ENTREP1: variants seen among roughly 807,000 people sequenced by gnomAD.
The protein encoded by ENTREP1 is Friedreich ataxia region gene X123.
the ENTREP1 span, among the ~76,000 whole-genome samples, chr9:69,344,666 C>G: frequency 0.021 from 3,217 of 152,234 alleles, 48 homozygotes; most frequent in Middle Eastern, 0.068. Context: ...AGCCCGTGAC[C>G]TCTACCCCCT....
chr9:69,343,553 A>ACCTCAG, the ENTREP1 span, among the ~76,000 whole-genome samples: 1 of 152,124 alleles, frequency 6.6e-6, no homozygotes, highest in Admixed American at 6.6e-5. Flanking sequence ...TGATCCTCCC[A>ACCTCAG]CCTCAGCCTC....
At chr9:69,383,505 G>T in the ENTREP1 span, 37 of 1,523,094 alleles carry the variant, frequency 2.4e-5, no homozygotes, top group Non-Finnish European at 2.8e-5. Context: ...TGGCCAAGGA[G>T]ACCATGGTAT....
the ENTREP1 span, among the ~76,000 whole-genome samples, chr9:69,390,427 A>G: frequency 2.0e-5 from 3 of 152,306 alleles, no homozygotes; most frequent in East Asian, 5.8e-4. Flanking sequence ...CTCCTCTTCA[A>G]TCCCAGTTGG....
At chr9:69,335,690 C>G in the ENTREP1 span, among the ~76,000 whole-genome samples, 1 of 152,200 alleles carries the variant, frequency 6.6e-6, no homozygotes, top group African/African-American at 2.4e-5. Flanking sequence ...TCTGATGAGG[C>G]TGACCCTGGC....
the ENTREP1 span, among the ~76,000 whole-genome samples, chr9:69,330,708 T>C: frequency 6.6e-6 from 1 of 152,238 alleles, no homozygotes; most frequent in African/African-American, 2.4e-5. Flanking sequence ...GGATGAGTTT[T>C]ATTGATTTCT....
At chr9:69,326,570 T>G in the ENTREP1 span, among the ~76,000 whole-genome samples, 1 of 151,938 alleles carries the variant, frequency 6.6e-6, no homozygotes, top group Non-Finnish European at 1.5e-5. Context: ...GGACACCGGG[T>G]GGCCACTCCC....
chr9:69,386,170 T>A, the ENTREP1 span: 1 of 370,604 alleles, frequency 2.7e-6, no homozygotes, highest in Non-Finnish European at 4.7e-6. Flanking sequence ...TTTTTTAAAG[T>A]CATTGTCATC....
chr9:69,335,099 T>C, the ENTREP1 span, among the ~76,000 whole-genome samples: 2 of 152,164 alleles, frequency 1.3e-5, no homozygotes, highest in Non-Finnish European at 2.9e-5. Flanking sequence ...CGTTTTTTAT[T>C]GAAGTGTCAT....
chr9:69,340,599 ATGTG>A, the ENTREP1 span, among the ~76,000 whole-genome samples: 2 of 88,992 alleles, frequency 2.2e-5, 1 homozygote, highest in Non-Finnish European at 5.0e-5. Flanking sequence ...GTGTGCATGC[ATGTG>A]TGTGTGTGCA....
At chr9:69,344,684 T>C in the ENTREP1 span, among the ~76,000 whole-genome samples, 1 of 152,148 alleles carries the variant, frequency 6.6e-6, no homozygotes, top group Non-Finnish European at 1.5e-5. Context: ...CCTGGAGCTC[T>C]AGCCCAGGAC....
chr9:69,390,921 A>G, the ENTREP1 span, among the ~76,000 whole-genome samples: 2 of 150,876 alleles, frequency 1.3e-5, no homozygotes, highest in Non-Finnish European at 2.9e-5. Context: ...GACTACAGGC[A>G]TGAACCACCA....
At chr9:69,367,680 A>AT in the ENTREP1 span, among the ~76,000 whole-genome samples, 3 of 47,362 alleles carry the variant, frequency 6.3e-5, no homozygotes, top group South Asian at 2.4e-3. Context: ...CACATATATA[A>AT]ATATATATAT....
At chr9:69,358,902 C>CTTTTT in the ENTREP1 span, among the ~76,000 whole-genome samples, 7 of 96,330 alleles carry the variant, frequency 7.3e-5, no homozygotes, top group Admixed American at 2.3e-4. Context: ...CTTTTTCTTT[C>CTTTTT]TTTTTTTTTT....
At chr9:69,372,304 T>C in the ENTREP1 span, among the ~76,000 whole-genome samples, 3 of 152,216 alleles carry the variant, frequency 2.0e-5, no homozygotes, top group Non-Finnish European at 4.4e-5. Flanking sequence ...TCTTTTCATA[T>C]TGTAAAACTG....
At chr9:69,335,869 A>ACGTGCGCCTGTAGTCCTGACGTGC in the ENTREP1 span, among the ~76,000 whole-genome samples, 2 of 26,572 alleles carry the variant, frequency 7.5e-5, no homozygotes, top group Non-Finnish European at 7.6e-5. Flanking sequence ...CTGTAGTCCT[A>ACGTGCGCCTGTAGTCCTGACGTGC]GCTACTGGAG....
At chr9:69,345,076 T>C in the ENTREP1 span, among the ~76,000 whole-genome samples, 3 of 152,218 alleles carry the variant, frequency 2.0e-5, no homozygotes, top group African/African-American at 4.8e-5. Flanking sequence ...TGGACACTTA[T>C]GGTAACTCAG....
the ENTREP1 span, among the ~76,000 whole-genome samples, chr9:69,363,575 G>A: frequency 6.6e-6 from 1 of 152,182 alleles, no homozygotes; most frequent in Non-Finnish European, 1.5e-5. Flanking sequence ...AGGGAAGAGT[G>A]GGGGTGGTGG....
the ENTREP1 span, chr9:69,325,224 T>C: frequency 2.9e-6 from 3 of 1,043,998 alleles, no homozygotes; most frequent in Non-Finnish European, 3.5e-6. Flanking sequence ...CAGTGCCCAG[T>C]GTGCTGCGCC....
the ENTREP1 span, among the ~76,000 whole-genome samples, chr9:69,351,388 T>C: frequency 6.6e-6 from 1 of 151,342 alleles, no homozygotes; most frequent in South Asian, 2.1e-4. Context: ...TCTTATTTCC[T>C]TGATGATGAT....
Sources: gnomAD v4.1 joint callset for allele counts (sites outside exome capture counted in the v4.1 genomes callset) on GRCh38, gnomAD v4.1.1 for gene constraint, MANE v1.5 for transcripts, NCBI Gene and HGNC (gene_info 2026-07-23, HGNC 2026-07-21) for gene names.